Variants in GPATCH2 observed in about 807,000 individuals in gnomAD.
GPATCH2 encodes the protein G patch domain-containing protein 2.
Under a neutral mutation model 58.0 loss-of-function variants are expected in GPATCH2, and 51 were observed. The ratio of observed to expected loss-of-function variants is 0.88; its 90% CI spans 0.70 to 1.11. The LOEUF is 1.11. Among genes scored for constraint, GPATCH2 ranks in the 50% most tolerant of loss-of-function variants. The pLI is 0.00. For synonymous variants in GPATCH2, 222 were observed against 218.5 expected, an observed-to-expected ratio of 1.02 and a Z score of -0.14; for missense variants, 625 against 652.2, an observed-to-expected ratio of 0.96 and a Z score of 0.45.
chr1:217,575,730 C>T (rs1666774884), intron 5 of GPATCH2, among the ~76,000 whole-genome samples: 1 of 152,066 alleles, frequency 6.6e-6, no homozygotes, highest in African/African-American at 2.4e-5. Flanking sequence ...CTCTAGATTT[C>T]AATTTAATAG....
intron 5 of GPATCH2, among the ~76,000 whole-genome samples, chr1:217,591,935 T>C (rs886309479): frequency 3.9e-5 from 6 of 152,042 alleles, no homozygotes; most frequent in African/African-American, 1.2e-4. Flanking sequence ...TTAAAACCTA[T>C]AATTTGTTAA....
intron 5 of GPATCH2, among the ~76,000 whole-genome samples, chr1:217,596,775 GA>G (rs1667850902): frequency 6.6e-6 from 1 of 152,140 alleles, no homozygotes; most frequent in Non-Finnish European, 1.5e-5. Flanking sequence ...TTGTACAGAT[GA>G]GTATGGAAGG....
Position 217,430,338 on chromosome 1 carries a change from TTGGGAAAACAGAGGTAGAAG to T in GPATCH2, c.*787_*806del, listed in dbSNP as rs1484567627. 4 of 152,204 alleles carry T rather than the reference TTGGGAAAACAGAGGTAGAAG, an allele frequency of 2.6e-5. No individual in the cohort carries two copies. Among genetic ancestry groups the T allele is most frequent in the African/African-American group, 9.6e-5 (4 of 41,452 alleles). 9.4% of individuals were successfully genotyped at this position (152,204 alleles called of 1,614,324 possible). The stretch of plus-strand genomic sequence containing the variant: ...TTGATCTTAAAAATAATATCAATCT[TTGGGAAAACAGAGGTAGAAG>T]TACATCTGGATTAATAGAATTTACA... On this transcript the variant is annotated 3_prime_UTR_variant, in exon 10 of 10. Transcript: ENST00000366935.
Position 217,490,069 on chromosome 1 carries a change from C to G in GPATCH2, c.1277+1611G>C, listed in dbSNP as rs148350991. The stretch of plus-strand genomic sequence containing the variant: ...AAATACACCCTTTAAAACTTCTTCG[C>G]AAAGGTCTGTAAATATTCCTCGTTT... On this transcript the variant is annotated intron_variant, in intron 8 of 9. Coordinates refer to ENST00000366935, the MANE Select transcript of GPATCH2 (RefSeq NM_018040.5). 2.1e-3 allele frequency among the ~76,000 whole-genome samples: 325 copies of G among 152,226 alleles called. 3 individuals carry two copies. The highest frequency in any genetic ancestry group is 7.1e-3 in the African/African-American group (296 of 41,530).
At chr1:217,521,233 G>A (rs1558453630) in intron 5 of GPATCH2, among the ~76,000 whole-genome samples, 1 of 151,816 alleles carries the variant, frequency 6.6e-6, no homozygotes, top group Non-Finnish European at 1.5e-5. Context: ...TCAAATAATA[G>A]TGAAGAAACT....
At chr1:217,536,997 CCAAA>C (rs1385492967) in intron 5 of GPATCH2, among the ~76,000 whole-genome samples, 3 of 151,950 alleles carry the variant, frequency 2.0e-5, no homozygotes, top group Non-Finnish European at 4.4e-5. Context: ...AACAAACCAG[CCAAA>C]CAAACAGACA....
chr1:217,495,806 T>C (rs1661976957), intron 7 of GPATCH2, among the ~76,000 whole-genome samples: 1 of 152,190 alleles, frequency 6.6e-6, no homozygotes, highest in Non-Finnish European at 1.5e-5. Context: ...CCTCAATAGA[T>C]AGTGGCTGGT....
chr1:217,463,641 CAAAAA>C (rs201402598), intron 8 of GPATCH2, among the ~76,000 whole-genome samples: 35 of 82,448 alleles, frequency 4.2e-4, no homozygotes, highest in African/African-American at 2.1e-3. Flanking sequence ...CTTATCACTC[CAAAAA>C]AAAAAAAAAA....
chr1:217,584,362 T>TACAC (rs1449644698), intron 5 of GPATCH2, among the ~76,000 whole-genome samples: 3 of 109,222 alleles, frequency 2.7e-5, no homozygotes, highest in African/African-American at 1.1e-4. Flanking sequence ...TATATATATA[T>TACAC]ATACACACAC....
intron 5 of GPATCH2, among the ~76,000 whole-genome samples, chr1:217,542,373 A>G (rs547111630): frequency 6.6e-6 from 1 of 152,340 alleles, no homozygotes; most frequent in East Asian, 1.9e-4. Flanking sequence ...TGCTATGCCC[A>G]TTATAGTTGG....
chr1:217,603,354 A>G (rs1022326136), intron 5 of GPATCH2, among the ~76,000 whole-genome samples: 1 of 152,204 alleles, frequency 6.6e-6, no homozygotes, highest in Non-Finnish European at 1.5e-5. Flanking sequence ...AGGGTTTTCA[A>G]GACTAAATAT....
chr1:217,599,796 T>C (rs1249995344), intron 5 of GPATCH2, among the ~76,000 whole-genome samples: 3 of 152,238 alleles, frequency 2.0e-5, no homozygotes, highest in Admixed American at 6.5e-5. Flanking sequence ...TGACAAATGA[T>C]ATAAAATACT....
In GPATCH2 at chr1:217,495,884, T is replaced by C. The variant is rs572524815; in HGVS notation, c.1206+2472A>G. On this transcript the variant is annotated intron_variant, in intron 7 of 9. Coordinates refer to ENST00000366935, the MANE Select transcript of GPATCH2 (RefSeq NM_018040.5). ...ATGTATAGTAAATTGAAATGGGACT[T>C]AGCACTGAAGAATAGCAAGAAAGAA... Among the ~76,000 whole-genome samples the C allele has an allele frequency of 2.6e-5, 4 of 152,336 alleles. No individual in the cohort carries two copies. The East Asian group carries it at 7.7e-4, about 29-fold the overall frequency.
chr1:217,483,799 A>G (rs1404567259), intron 8 of GPATCH2, among the ~76,000 whole-genome samples: 1 of 152,156 alleles, frequency 6.6e-6, no homozygotes, highest in East Asian at 1.9e-4. Context: ...TGTCCAGTCA[A>G]ACTTTTCCTT....
At chr1:217,522,276 G>T (rs990632902) in intron 5 of GPATCH2, among the ~76,000 whole-genome samples, 1 of 151,984 alleles carries the variant, frequency 6.6e-6, no homozygotes, top group Admixed American at 6.6e-5. Flanking sequence ...ACTAATAAAA[G>T]ATCTAAATGC....
chr1:217,616,052 T>C (rs902139713), intron 2 of GPATCH2, among the ~76,000 whole-genome samples: 2 of 152,108 alleles, frequency 1.3e-5, no homozygotes, highest in African/African-American at 4.8e-5. Context: ...ACTATGAACT[T>C]TACTTACAAA....
intron 8 of GPATCH2, 65 bp from the exon 9 acceptor site, chr1:217,449,402 T>C: frequency 1.1e-6 from 1 of 928,392 alleles, no homozygotes; most frequent in South Asian, 1.3e-5. Context: ...ATACACAGCT[T>C]GTATCATCTG....
chr1:217,597,038 A>G (rs1172580462), intron 5 of GPATCH2, among the ~76,000 whole-genome samples: 1 of 152,134 alleles, frequency 6.6e-6, no homozygotes, highest in East Asian at 1.9e-4. Flanking sequence ...TAGACAAAAT[A>G]TGTCAACAGG....
rs548317342 is a variant in GPATCH2 at position 217,586,468 on chromosome 1, C to A, written c.1098+23853G>T. Among the ~76,000 whole-genome samples the A allele has an allele frequency of 1.0e-3, 152 of 152,120 alleles. 2 individuals are homozygous for A. Among genetic ancestry groups the A allele is most frequent in the African/African-American group, 3.6e-3 (151 of 41,510 alleles). ...AGAATCATCAATATCACTGTCTTCA[C>A]CCCCACATCTTGTCTCACTGGAAGG... On this transcript the variant is annotated intron_variant, in intron 5 of 9. Transcript: ENST00000366935.
Sources: gnomAD v4.1 joint callset for allele counts (sites outside exome capture counted in the v4.1 genomes callset) on GRCh38, gnomAD v4.1.1 for gene constraint, MANE v1.5 for transcripts, NCBI Gene and HGNC (gene_info 2026-07-23, HGNC 2026-07-21) for gene names.